EPB41L2: variants seen among roughly 807,000 people sequenced by gnomAD.
EPB41L2 encodes the protein erythrocyte membrane protein band 4.1 like 2, also known as band 4.1-like protein 2.
Under a neutral mutation model 113.0 loss-of-function variants are expected in EPB41L2, and 43 were observed. The ratio of observed to expected loss-of-function variants is 0.38; its 90% CI spans 0.30 to 0.49. The LOEUF (loss-of-function observed/expected upper bound fraction) is 0.49, where lower values mean the gene tolerates loss of function less well. Ranked by LOEUF, EPB41L2 falls within the 20% of genes least tolerant of loss-of-function variation. The pLI, the probability that EPB41L2 is intolerant of heterozygous loss-of-function variation, is 0.95. For synonymous variants in EPB41L2, 442 were observed against 436.7 expected, an observed-to-expected ratio of 1.01 and a Z score of -0.15; for missense variants, 1,147 against 1,223.4, an observed-to-expected ratio of 0.94 and a Z score of 0.93.
chr6:130,965,303 A>T (rs1774788678), intron 1 of EPB41L2, among the ~76,000 whole-genome samples: 1 of 152,240 alleles, frequency 6.6e-6, no homozygotes, highest in Admixed American at 6.5e-5. Flanking sequence ...ATTTAGATTT[A>T]AAAATTACTA....
At chr6:130,972,074 A>C (rs1776932357) in intron 1 of EPB41L2, among the ~76,000 whole-genome samples, 2 of 152,320 alleles carry the variant, frequency 1.3e-5, no homozygotes, top group Admixed American at 6.5e-5. Context: ...CTGTAACACC[A>C]GAATTTTGTG....
intron 1 of EPB41L2, among the ~76,000 whole-genome samples, chr6:131,047,506 T>C (rs886871675): frequency 6.6e-6 from 1 of 152,202 alleles, no homozygotes; most frequent in Non-Finnish European, 1.5e-5. Flanking sequence ...TACAAATTAA[T>C]ATATAAAATA....
At position 130,872,472 on chromosome 6, in the gene EPB41L2, T is replaced by C. The variant is rs181249609; in HGVS notation, c.2044-2346A>G. ...GTCCAAGTGGTGGCTGAAGTGAAGG[T>C]GGCTTTCATGCTATCAGAAAAGCCC... On this transcript the variant is annotated intron_variant, in intron 14 of 19. Coordinates refer to ENST00000337057, the MANE Select transcript of EPB41L2 (RefSeq NM_001431.4). 554 of 1,289,368 alleles carry C rather than the reference T, an allele frequency of 4.3e-4. 2 individuals are homozygous for C. In the African/African-American group the frequency reaches 7.9e-3, roughly 18 times the overall value. 79.9% of individuals were successfully genotyped at this position (1,289,368 alleles called of 1,614,324 possible).
chr6:130,966,861 T>C (rs11154611), intron 1 of EPB41L2, among the ~76,000 whole-genome samples: 22,858 of 152,084 alleles, frequency 0.15, 2,318 homozygotes, highest in East Asian at 0.44. Context: ...AGCTCAGCAG[T>C]AGCATTAAGA....
At chr6:131,002,765 T>G (rs1023243941) in intron 1 of EPB41L2, among the ~76,000 whole-genome samples, 3 of 152,220 alleles carry the variant, frequency 2.0e-5, no homozygotes, top group Non-Finnish European at 2.9e-5. Context: ...AGCCACATCA[T>G]AATGGTTTTC....
At chr6:130,888,545 A>G (rs1384628526) in intron 11 of EPB41L2, among the ~76,000 whole-genome samples, 2 of 152,192 alleles carry the variant, frequency 1.3e-5, no homozygotes. Context: ...ACTTTGCAAT[A>G]TAAGAGTTAT....
intron 5 of EPB41L2, among the ~76,000 whole-genome samples, chr6:130,906,244 T>C (rs1272267297): frequency 6.6e-6 from 1 of 152,188 alleles, no homozygotes; most frequent in Non-Finnish European, 1.5e-5. Context: ...CTCGGAGACA[T>C]TTCTACTAGA....
intron 4 of EPB41L2, among the ~76,000 whole-genome samples, chr6:130,909,328 G>T (rs1009553903): frequency 6.6e-6 from 1 of 150,956 alleles, no homozygotes; most frequent in Non-Finnish European, 1.5e-5. Context: ...CTCCTAAAAC[G>T]AACTACTCCT....
At chr6:130,907,800 A>T (rs1333679062) in intron 5 of EPB41L2, among the ~76,000 whole-genome samples, 1 of 152,198 alleles carries the variant, frequency 6.6e-6, no homozygotes, top group South Asian at 2.1e-4. Context: ...AAGGGCAAGA[A>T]GGGAAAGGAC....
chr6:131,057,795 T>G (rs1797877631), intron 1 of EPB41L2, among the ~76,000 whole-genome samples: 1 of 152,194 alleles, frequency 6.6e-6, no homozygotes, highest in Non-Finnish European at 1.5e-5. Flanking sequence ...AACTGGTCTC[T>G]TCAGAAAGAT....
intron 3 of EPB41L2, among the ~76,000 whole-genome samples, chr6:130,950,604 C>T (rs541058165): frequency 6.6e-6 from 1 of 152,268 alleles, no homozygotes; most frequent in East Asian, 1.9e-4. Flanking sequence ...TCAAGTTCTA[C>T]CAGATCACCA....
intron 19 of EPB41L2, among the ~76,000 whole-genome samples, chr6:130,850,278 A>G (rs1778412157): frequency 6.6e-6 from 1 of 152,040 alleles, no homozygotes; most frequent in Admixed American, 6.6e-5. Flanking sequence ...TGGCATACCA[A>G]CTCCACTTTT....
At chr6:131,030,226 C>A (rs183514060) in intron 1 of EPB41L2, among the ~76,000 whole-genome samples, 1 of 152,332 alleles carries the variant, frequency 6.6e-6, no homozygotes, top group East Asian at 1.9e-4. Context: ...AGGAACCTCT[C>A]ATAGCACGAC....
intron 1 of EPB41L2, among the ~76,000 whole-genome samples, chr6:130,974,495 C>T (rs1485204964): frequency 2.0e-5 from 3 of 151,992 alleles, no homozygotes; most frequent in South Asian, 2.1e-4. Flanking sequence ...TTCAAAAAAA[C>T]GTTGGGAGAA....
intron 19 of EPB41L2, among the ~76,000 whole-genome samples, chr6:130,848,199 TCACACACACACACACACACA>T (rs66469665): frequency 2.6e-5 from 3 of 113,506 alleles, no homozygotes; most frequent in South Asian, 3.0e-4. Context: ...TCTCTCTCTC[TCACACACACACACACACACA>T]CACACACACA....
chr6:130,859,588 A>G (rs1781380723), intron 18 of EPB41L2, among the ~76,000 whole-genome samples: 1 of 152,118 alleles, frequency 6.6e-6, no homozygotes, highest in Non-Finnish European at 1.5e-5. Flanking sequence ...ACCATATCTC[A>G]TAAGGAAACT....
chr6:131,060,818 A>C (rs1032733932), intron 1 of EPB41L2, among the ~76,000 whole-genome samples: 1 of 152,182 alleles, frequency 6.6e-6, no homozygotes, highest in Non-Finnish European at 1.5e-5. Context: ...CTCTCTTCAG[A>C]TTCATCCCCT....
At chr6:130,990,589 G>A (rs903216074) in intron 1 of EPB41L2, among the ~76,000 whole-genome samples, 2 of 152,158 alleles carry the variant, frequency 1.3e-5, no homozygotes, top group Admixed American at 1.3e-4. Flanking sequence ...TATGGGAAAA[G>A]AGAGATGGTA....
chr6:131,015,163 T>C (rs1478831471), intron 1 of EPB41L2: 1 of 152,164 alleles, frequency 6.6e-6, no homozygotes, highest in Admixed American at 6.5e-5. Flanking sequence ...ATCAAAGAGA[T>C]TTCACATTAT....
Sources: gnomAD v4.1 joint callset for allele counts (sites outside exome capture counted in the v4.1 genomes callset) on GRCh38, gnomAD v4.1.1 for gene constraint, MANE v1.5 for transcripts, NCBI Gene and HGNC (gene_info 2026-07-23, HGNC 2026-07-21) for gene names.